CDK14: variants seen among roughly 807,000 people sequenced by gnomAD.
CDK14 encodes the protein cyclin dependent kinase 14.
In CDK14, 34 loss-of-function variants were observed where a neutral mutation model predicts 60.7. The observed-to-expected ratio is 0.56, with a 90% CI of 0.43 to 0.75. The LOEUF (loss-of-function observed/expected upper bound fraction) is 0.75, where lower values mean the gene tolerates loss of function less well. Ranked by LOEUF, CDK14 falls within the 30% of genes least tolerant of loss-of-function variation. The probability of loss-of-function intolerance (pLI) is 0.00; values close to 1 mark genes in which losing one functional copy is unlikely to be tolerated. For synonymous variants in CDK14, 197 were observed against 203.7 expected, an observed-to-expected ratio of 0.97 and a Z score of 0.28; for missense variants, 482 against 564.1, an observed-to-expected ratio of 0.85 and a Z score of 1.47.
intron 9 of CDK14, 118 bp from the exon 10 acceptor site, chr7:90,984,030 A>G: frequency 1.4e-6 from 1 of 706,122 alleles, no homozygotes. Flanking sequence ...TAGAGGGGAA[A>G]AAGGAAACAG....
At chr7:90,889,501 G>A (rs1407473640) in intron 6 of CDK14, among the ~76,000 whole-genome samples, 1 of 152,148 alleles carries the variant, frequency 6.6e-6, no homozygotes, top group African/African-American at 2.4e-5. Flanking sequence ...AGAATTATGG[G>A]ACATGTAAGA....
intron 6 of CDK14, among the ~76,000 whole-genome samples, chr7:90,879,982 T>A (rs1791692831): frequency 6.6e-6 from 1 of 152,192 alleles, no homozygotes; most frequent in Non-Finnish European, 1.5e-5. Flanking sequence ...AAGATCCCAC[T>A]TGTGAACCCA....
intron 2 of CDK14, among the ~76,000 whole-genome samples, chr7:90,700,797 A>G (rs187757553): frequency 1.4e-4 from 21 of 152,264 alleles, no homozygotes; most frequent in Non-Finnish European, 2.5e-4. Flanking sequence ...TTGAACTCCC[A>G]TAGTATTTTT....
chr7:90,780,232 C>G (rs1339876630), intron 4 of CDK14, among the ~76,000 whole-genome samples: 1 of 151,878 alleles, frequency 6.6e-6, no homozygotes, highest in African/African-American at 2.4e-5. Flanking sequence ...CTCAAATCAA[C>G]TACAATATTT....
At chr7:90,793,406 A>G (rs1805912419) in intron 5 of CDK14, among the ~76,000 whole-genome samples, 2 of 152,238 alleles carry the variant, frequency 1.3e-5, no homozygotes, top group South Asian at 4.1e-4. Flanking sequence ...TGTGATTTTT[A>G]AGGAAATTCT....
intron 2 of CDK14, among the ~76,000 whole-genome samples, chr7:90,622,242 G>A (rs1799786111): frequency 6.6e-6 from 1 of 150,418 alleles, no homozygotes; most frequent in Non-Finnish European, 1.5e-5. Flanking sequence ...GATGTTGAGT[G>A]TTGTCAATAA....
intron 2 of CDK14, among the ~76,000 whole-genome samples, chr7:90,640,753 A>T (rs1800307091): frequency 6.6e-6 from 1 of 152,094 alleles, no homozygotes; most frequent in South Asian, 2.1e-4. Flanking sequence ...ACAACTCTAA[A>T]AAACCATTGA....
intron 2 of CDK14, chr7:90,709,783 G>A: frequency 7.3e-7 from 1 of 1,378,738 alleles, no homozygotes. Context: ...TTTTTTTTTT[G>A]CTTGCTTATG....
intron 12 of CDK14, among the ~76,000 whole-genome samples, chr7:91,094,412 G>A (rs557074014): frequency 5.9e-5 from 9 of 152,204 alleles, no homozygotes; most frequent in African/African-American, 1.2e-4. Context: ...CAAGTGTAGC[G>A]GTGGGGGAGA....
intron 13 of CDK14, among the ~76,000 whole-genome samples, chr7:91,115,114 G>A (rs1799569433): frequency 6.6e-6 from 1 of 152,126 alleles, no homozygotes; most frequent in Non-Finnish European, 1.5e-5. Context: ...GATTTGGAAG[G>A]AGATCCACCT....
At chr7:90,930,265 G>A (rs1446065257) in intron 8 of CDK14, among the ~76,000 whole-genome samples, 1 of 152,144 alleles carries the variant, frequency 6.6e-6, no homozygotes, top group Non-Finnish European at 1.5e-5. Context: ...TTGCCAAAAT[G>A]TATGATTTGA....
chr7:90,725,564 C>T lies in CDK14; in HGVS notation c.124-1003C>T, dbSNP rs531822563. ...AGTGTGGGCTTTTCATAAATATCTTCGGTTTTTCTGCTTTTGATAGCATAT... is the reference window on the plus strand; with the variant it reads ...AGTGTGGGCTTTTCATAAATATCTTTGGTTTTTCTGCTTTTGATAGCATAT... On this transcript the variant is annotated intron_variant, in intron 2 of 14. Coordinates refer to ENST00000380050, the MANE Select transcript of CDK14 (RefSeq NM_001287135.2). Among the ~76,000 whole-genome samples the T allele has an allele frequency of 2.1e-3, 322 of 152,174 alleles. 1 individual carries two copies. The highest frequency in any genetic ancestry group is 7.6e-3 in the African/African-American group (317 of 41,526).
intron 2 of CDK14, among the ~76,000 whole-genome samples, chr7:90,661,431 T>G (rs983076209): frequency 3.3e-5 from 5 of 152,208 alleles, no homozygotes; most frequent in African/African-American, 1.2e-4. Context: ...CCGAATTGTT[T>G]GTTAGTTATG....
intron 2 of CDK14, among the ~76,000 whole-genome samples, chr7:90,635,451 T>C (rs1800119589): frequency 6.6e-6 from 1 of 152,154 alleles, no homozygotes; most frequent in Non-Finnish European, 1.5e-5. Context: ...TGTAGATATG[T>C]GGTGTTATTT....
chr7:90,964,496 A>G (rs1035955998), intron 9 of CDK14, among the ~76,000 whole-genome samples: 1 of 152,228 alleles, frequency 6.6e-6, no homozygotes, highest in Admixed American at 6.5e-5. Flanking sequence ...TATTTTAAGT[A>G]TAACCTATAA....
chr7:90,618,969 T>G (rs1361729419), intron 2 of CDK14, among the ~76,000 whole-genome samples: 2 of 152,224 alleles, frequency 1.3e-5, no homozygotes, highest in African/African-American at 2.4e-5. Context: ...AGAATCAGTT[T>G]TCCGGTCACC....
chr7:90,710,335 C>G (rs1470127259), intron 2 of CDK14: 6 of 983,720 alleles, frequency 6.1e-6, no homozygotes, highest in Non-Finnish European at 6.0e-6. Flanking sequence ...TTTTTTTTTG[C>G]CTGGCTGTGC....
chr7:91,009,684 T>A (rs1183523695), intron 10 of CDK14, among the ~76,000 whole-genome samples: 2 of 152,192 alleles, frequency 1.3e-5, no homozygotes, highest in African/African-American at 4.8e-5. Flanking sequence ...TTTTATTGGA[T>A]TACTAATTTC....
intron 2 of CDK14, among the ~76,000 whole-genome samples, chr7:90,707,056 A>T (rs1210911922): frequency 6.6e-6 from 1 of 152,058 alleles, no homozygotes; most frequent in Non-Finnish European, 1.5e-5. Context: ...GTTTCTAGGA[A>T]ACCCTGACCT....
Sources: allele counts gnomAD v4.1 joint callset (sites outside exome capture counted in the v4.1 genomes callset), GRCh38; gene constraint gnomAD v4.1.1; transcripts MANE v1.5; gene names NCBI Gene and HGNC (gene_info 2026-07-23, HGNC 2026-07-21).